Variants in DRC11 observed in about 807,000 individuals in gnomAD.
DRC11 encodes IQ and AAA domain-containing protein 1.
chr2:236,480,081 C>A, the DRC11 span, among the ~76,000 whole-genome samples: 3 of 150,544 alleles, frequency 2.0e-5, no homozygotes, highest in African/African-American at 7.3e-5. Flanking sequence ...TACCTCCTGG[C>A]CTGTATGGTT....
the DRC11 span, among the ~76,000 whole-genome samples, chr2:236,360,760 T>C: frequency 2.0e-5 from 3 of 152,204 alleles, no homozygotes; most frequent in African/African-American, 7.2e-5. This position sits in a 1 kb window ranked among gnomAD's most constrained non-coding sequence, Gnocchi z 5.8. Flanking sequence ...CAGAGGAGCT[T>C]GGTAAACAGG....
chr2:236,486,501 T>TA, the DRC11 span, among the ~76,000 whole-genome samples: 1 of 150,306 alleles, frequency 6.7e-6, no homozygotes, highest in Non-Finnish European at 1.5e-5. This position sits in a 1 kb window ranked among gnomAD's most constrained non-coding sequence, Gnocchi z 5.7. Context: ...AAGCCAGCTG[T>TA]ATCAATGCAA....
At chr2:236,336,836 G>C in the DRC11 span, among the ~76,000 whole-genome samples, 7 of 152,216 alleles carry the variant, frequency 4.6e-5, no homozygotes, top group Non-Finnish European at 8.8e-5. The surrounding 1 kb of genome is among the most constrained non-coding windows in gnomAD (Gnocchi z 7.3). Context: ...TCACACCCGT[G>C]TGTCCTCGGC....
At chr2:236,315,906 C>T in the DRC11 span, among the ~76,000 whole-genome samples, 1 of 152,196 alleles carries the variant, frequency 6.6e-6, no homozygotes, top group East Asian at 1.9e-4. The surrounding 1 kb of genome is among the most constrained non-coding windows in gnomAD (Gnocchi z 5.1). Flanking sequence ...GGCTTAATAC[C>T]TAAGTAATGG....
At chr2:236,465,652 T>G in the DRC11 span, 17 of 1,613,620 alleles carry the variant, frequency 1.1e-5, no homozygotes, top group South Asian at 1.8e-4. This position sits in a 1 kb window ranked among gnomAD's most constrained non-coding sequence, Gnocchi z 6.2. Context: ...CCGCAGGCGG[T>G]CCACCTTTTC....
the DRC11 span, among the ~76,000 whole-genome samples, chr2:236,483,780 A>C: frequency 3.3e-5 from 5 of 152,236 alleles, no homozygotes; most frequent in African/African-American, 1.2e-4. This position sits in a 1 kb window ranked among gnomAD's most constrained non-coding sequence, Gnocchi z 4.8. Flanking sequence ...AAACTGATGA[A>C]TATTACATGG....
chr2:236,442,250 AAG>A, the DRC11 span, among the ~76,000 whole-genome samples: 2 of 152,228 alleles, frequency 1.3e-5, no homozygotes, highest in African/African-American at 2.4e-5. Context: ...AACTAGCGAG[AAG>A]AGTGTCACAG....
the DRC11 span, chr2:236,419,218 CTTCTTT>C: frequency 6.5e-7 from 1 of 1,538,118 alleles, no homozygotes. This position sits in a 1 kb window ranked among gnomAD's most constrained non-coding sequence, Gnocchi z 4.8. Flanking sequence ...TTTTCTTCTT[CTTCTTT>C]TTGTTTTTTT....
the DRC11 span, among the ~76,000 whole-genome samples, chr2:236,359,347 A>T: frequency 1.3e-5 from 2 of 152,122 alleles, no homozygotes; most frequent in African/African-American, 4.8e-5. This position sits in a 1 kb window ranked among gnomAD's most constrained non-coding sequence, Gnocchi z 4.3. Flanking sequence ...AAATCCTCCA[A>T]ACACAATGAT....
the DRC11 span, among the ~76,000 whole-genome samples, chr2:236,395,678 G>A: frequency 6.6e-6 from 1 of 152,216 alleles, no homozygotes; most frequent in African/African-American, 2.4e-5. Context: ...TTCCTTTTAT[G>A]TGTTTAAAAT....
At chr2:236,412,543 T>C in the DRC11 span, 4 of 152,262 alleles carry the variant, frequency 2.6e-5, no homozygotes, top group East Asian at 5.8e-4. Flanking sequence ...CCATAGACAA[T>C]GGTTTGACTC....
At chr2:236,357,563 T>C in the DRC11 span, among the ~76,000 whole-genome samples, 7 of 86,986 alleles carry the variant, frequency 8.0e-5, no homozygotes, top group African/African-American at 2.1e-4. Flanking sequence ...CATATTTACA[T>C]ATATGCATAG....
the DRC11 span, among the ~76,000 whole-genome samples, chr2:236,489,741 G>A: frequency 6.6e-6 from 1 of 152,224 alleles, no homozygotes; most frequent in South Asian, 2.1e-4. Flanking sequence ...TGGGCAAAGC[G>A]GTGAGACCCC....
the DRC11 span, among the ~76,000 whole-genome samples, chr2:236,506,267 A>G: frequency 6.6e-6 from 1 of 152,152 alleles, no homozygotes; most frequent in African/African-American, 2.4e-5. The surrounding 1 kb of genome is among the most constrained non-coding windows in gnomAD (Gnocchi z 4.9). Context: ...CTCTTTATTA[A>G]TATTCATTCT....
chr2:236,405,025 AG>A, the DRC11 span, among the ~76,000 whole-genome samples: 1 of 152,188 alleles, frequency 6.6e-6, no homozygotes. This position sits in a 1 kb window ranked among gnomAD's most constrained non-coding sequence, Gnocchi z 4.6. Context: ...CTCTGCCCTC[AG>A]GACCTAATCA....
At chr2:236,495,499 A>C in the DRC11 span, among the ~76,000 whole-genome samples, 2 of 152,198 alleles carry the variant, frequency 1.3e-5, no homozygotes, top group African/African-American at 4.8e-5. This position sits in a 1 kb window ranked among gnomAD's most constrained non-coding sequence, Gnocchi z 5.6. Flanking sequence ...ATGGAGTGGA[A>C]TCTAGGAAAC....
the DRC11 span, among the ~76,000 whole-genome samples, chr2:236,321,525 G>A: frequency 6.6e-6 from 1 of 152,196 alleles, no homozygotes; most frequent in African/African-American, 2.4e-5. Context: ...CAAAGCAGCA[G>A]GCTGTGATGT....
At chr2:236,482,032 A>C in the DRC11 span, among the ~76,000 whole-genome samples, 1 of 92,494 alleles carries the variant, frequency 1.1e-5, no homozygotes, top group Non-Finnish European at 2.3e-5. The surrounding 1 kb of genome is among the most constrained non-coding windows in gnomAD (Gnocchi z 4.5). Context: ...TTATATGTAT[A>C]ATTCTAGGTA....
chr2:236,356,968 A>AT, the DRC11 span, among the ~76,000 whole-genome samples: 2 of 107,068 alleles, frequency 1.9e-5, no homozygotes, highest in African/African-American at 7.9e-5. Context: ...AAATATATAT[A>AT]TTATATATTC....
Sources: gnomAD v4.1 joint callset for allele counts (sites outside exome capture counted in the v4.1 genomes callset) on GRCh38, gnomAD v4.1.1 for gene constraint, Gnocchi (gnomAD v3.1) non-coding constraint, MANE v1.5 for transcripts, NCBI Gene and HGNC (gene_info 2026-07-23, HGNC 2026-07-21) for gene names.